RCOR1: variants seen among roughly 807,000 people sequenced by gnomAD.
RCOR1 encodes the protein REST corepressor 1, also known as REST corepressor.
Under a neutral mutation model 64.0 loss-of-function variants are expected in RCOR1, and 12 were observed. That is an observed-to-expected ratio of 0.19 (90% CI 0.12 to 0.30). The LOEUF (loss-of-function observed/expected upper bound fraction) is 0.30, where lower values mean the gene tolerates loss of function less well. Among genes scored for constraint, RCOR1 ranks in the 10% least tolerant of loss-of-function variants. The probability of loss-of-function intolerance (pLI) is 1.00; values close to 1 mark genes in which losing one functional copy is unlikely to be tolerated. For missense variants in RCOR1, 502 were observed against 621.2 expected, an observed-to-expected ratio of 0.81 and a Z score of 2.04; for synonymous variants, 279 against 227.2, an observed-to-expected ratio of 1.23 and a Z score of -2.05.
chr14:102,707,313 T>C lies in RCOR1; in HGVS notation c.499-38T>C, dbSNP rs1258433616. On this transcript the variant is annotated intron_variant, in intron 4 of 11. Transcript: ENST00000262241. ...GTCTCATTTCCATTTTCATTGTTTT[T>C]TGTTTGATCTAAAATTTTACTGATA... 2.6e-6 allele frequency: 4 copies of C among 1,533,340 alleles called. No homozygotes were observed. In the East Asian group the frequency reaches 6.9e-5, roughly 26 times the overall value. The allele number at this position is 1,533,340 out of a possible 1,614,324, so 95.0% of individuals were successfully genotyped here.
At chr14:102,679,891 G>A (rs1481939617) in intron 2 of RCOR1, among the ~76,000 whole-genome samples, 1 of 152,130 alleles carries the variant, frequency 6.6e-6, no homozygotes, top group African/African-American at 2.4e-5. Flanking sequence ...AATTGCATTG[G>A]CTGTCTCATT....
chr14:102,596,314 G>A (rs1049301667), intron 2 of RCOR1, among the ~76,000 whole-genome samples: 3 of 152,038 alleles, frequency 2.0e-5, no homozygotes, highest in Non-Finnish European at 4.4e-5. Flanking sequence ...TGTTGATCAG[G>A]CTGGTCTGGA....
intron 3 of RCOR1, among the ~76,000 whole-genome samples, chr14:102,699,090 T>C (rs982592409): frequency 6.6e-6 from 1 of 152,254 alleles, no homozygotes; most frequent in Admixed American, 6.5e-5. Context: ...TTTCACCATG[T>C]TGGCCAGGAT....
At position 102,592,658 on chromosome 14, in the gene RCOR1, G is replaced by T. The variant is rs1893150333; in HGVS notation, c.-229G>T. 1.6e-6 allele frequency: 2 copies of T among 1,228,546 alleles called. No individual in the cohort carries two copies. The highest frequency in any genetic ancestry group is 2.0e-6 in the Non-Finnish European group (2 of 986,020). The allele number at this position is 1,228,546 out of a possible 1,614,324, so 76.1% of individuals were successfully genotyped here. ...TGCTCCCGGAGTAGTTGGTGCCAGT[G>T]AAGTGAGGGCGGCGATGAGAGCGAA... is the stretch of plus-strand genomic sequence containing the variant. On this transcript the variant is annotated 5_prime_UTR_variant, in exon 1 of 12. Coordinates refer to ENST00000262241, the MANE Select transcript of RCOR1 (RefSeq NM_015156.4).
chr14:102,593,177 C>G lies in RCOR1; in HGVS notation c.291C>G (p.Asp97Glu), dbSNP rs540186781. The G allele has an allele frequency of 2.9e-4, 432 of 1,514,600 alleles. 5 individuals are homozygous for G. The South Asian group carries it at 5.3e-3, about 19-fold the overall frequency. The allele number at this position is 1,514,600 out of a possible 1,614,324, so 93.8% of individuals were successfully genotyped here. The change falls in exon 1 of 12, where the codon GAC becomes GAG. Residue 97 changes from aspartate to glutamate, a missense_variant. Physicochemically the swap from Asp to Glu is conservative, Grantham distance 45. This residue lies in a region of RCOR1 where 242 missense variants were observed against 204.9 expected (regional missense o/e 1.18). Coordinates refer to ENST00000262241, the MANE Select transcript of RCOR1 (RefSeq NM_015156.4). ...WEEGSSGSSS[D>E]EEHGGGGMRV... ...AAGGCAGCTCGGGCTCGTCCAGCGA[C>G]GAGGAGCACGGTAGGTGGCAGCCGC...
At chr14:102,653,162 T>G (rs947645573) in intron 2 of RCOR1, among the ~76,000 whole-genome samples, 3 of 152,246 alleles carry the variant, frequency 2.0e-5, no homozygotes, top group African/African-American at 7.2e-5. Context: ...GACCTCATGA[T>G]CTTCCTGCCT....
intron 3 of RCOR1, among the ~76,000 whole-genome samples, chr14:102,690,319 A>G (rs536454557): frequency 6.6e-6 from 1 of 152,338 alleles, no homozygotes; most frequent in South Asian, 2.1e-4. Flanking sequence ...ATGTAGATAC[A>G]TAGTAAATGT....
chr14:102,651,753 T>G (rs1894595743), intron 2 of RCOR1, among the ~76,000 whole-genome samples: 1 of 152,178 alleles, frequency 6.6e-6, no homozygotes, highest in Non-Finnish European at 1.5e-5. Flanking sequence ...TTTCCCAGGC[T>G]AGAGTACAGT....
intron 2 of RCOR1, among the ~76,000 whole-genome samples, chr14:102,617,038 C>T (rs1893774963): frequency 6.6e-6 from 1 of 152,038 alleles, no homozygotes; most frequent in African/African-American, 2.4e-5. Context: ...AACAGGAAGG[C>T]CAAATATATA....
chr14:102,673,230 T>G (rs890046314), intron 2 of RCOR1, among the ~76,000 whole-genome samples: 3 of 152,224 alleles, frequency 2.0e-5, no homozygotes, highest in African/African-American at 7.2e-5. Flanking sequence ...TACATTTCCT[T>G]TAACTTGCTT....
At chr14:102,658,590 C>A (rs1218791192) in intron 2 of RCOR1, 2 of 985,286 alleles carry the variant, frequency 2.0e-6, no homozygotes, top group Non-Finnish European at 2.4e-6. Flanking sequence ...ACCTACCCCC[C>A]ATCCTTTTCC....
chr14:102,609,342 C>T (rs1032290657), intron 2 of RCOR1, among the ~76,000 whole-genome samples: 1 of 152,054 alleles, frequency 6.6e-6, no homozygotes, highest in East Asian at 1.9e-4. Context: ...TGTGCCTGGT[C>T]TGTGCTTAAC....
chr14:102,718,490 C>G (rs1364035200), intron 8 of RCOR1, among the ~76,000 whole-genome samples: 1 of 151,352 alleles, frequency 6.6e-6, no homozygotes, highest in Admixed American at 6.6e-5. Flanking sequence ...TCAGGTCTTT[C>G]TCTGAGTGGA....
At chr14:102,722,136 A>C (rs751236007) in intron 10 of RCOR1, 51 bp from the exon 11 acceptor site, 1 of 1,436,036 alleles carries the variant, frequency 7.0e-7, no homozygotes, top group Non-Finnish European at 9.7e-7. Flanking sequence ...TTGTGGTTTT[A>C]AAAAAATGTT....
At chr14:102,703,897 C>G (rs1473584269) in intron 4 of RCOR1, among the ~76,000 whole-genome samples, 1 of 152,258 alleles carries the variant, frequency 6.6e-6, no homozygotes, top group Non-Finnish European at 1.5e-5. Context: ...ACCCATTCTT[C>G]TTCACCTCCC....
intron 2 of RCOR1, among the ~76,000 whole-genome samples, chr14:102,605,642 A>G (rs1389030804): frequency 1.3e-5 from 2 of 152,218 alleles, no homozygotes; most frequent in Admixed American, 1.3e-4. Context: ...GGTAATGACA[A>G]TAACTGTATT....
At chr14:102,716,362 G>T (rs1262048089) in intron 8 of RCOR1, among the ~76,000 whole-genome samples, 1 of 152,114 alleles carries the variant, frequency 6.6e-6, no homozygotes, top group Admixed American at 6.5e-5. Context: ...ATCTTTTGAT[G>T]AACAGTAATT....
At chr14:102,600,232 C>T (rs895145133) in intron 2 of RCOR1, among the ~76,000 whole-genome samples, 35 of 151,160 alleles carry the variant, frequency 2.3e-4, no homozygotes, top group African/African-American at 8.3e-4. Context: ...GGATTACAGG[C>T]GCCCACCACC....
At chr14:102,655,037 C>G (rs1028649204) in intron 2 of RCOR1, among the ~76,000 whole-genome samples, 42 of 151,160 alleles carry the variant, frequency 2.8e-4, no homozygotes, top group African/African-American at 1.0e-3. Context: ...TCTCAAACTC[C>G]TGGCCTCAAG....
Sources: allele counts gnomAD v4.1 joint callset (sites outside exome capture counted in the v4.1 genomes callset), GRCh38; gene constraint gnomAD v4.1.1; regional missense constraint gnomAD v4.1.1; transcripts MANE v1.5; gene names NCBI Gene and HGNC (gene_info 2026-07-23, HGNC 2026-07-21).